The following RLIM variants were observed in gnomAD, a reference collection of about 807,000 sequenced individuals.
RLIM encodes ring finger protein, LIM domain interacting, also known as E3 ubiquitin-protein ligase RLIM.
RLIM carries 2 observed loss-of-function variants against 34.0 expected under a neutral mutation model. That is an observed-to-expected ratio of 0.06 (90% CI 0.02 to 0.19). RLIM has a LOEUF of 0.19. Ranked by LOEUF, RLIM falls within the 10% of genes least tolerant of loss-of-function variation. The pLI is 1.00. For synonymous variants in RLIM, 169 were observed against 164.0 expected (o/e 1.03, Z -0.23); for missense variants, 286 against 479.7 (o/e 0.60, Z 3.77).
chrX:74,595,264 A>C (rs763515211), intron 2 of RLIM, among the ~76,000 whole-genome samples: 2 of 112,008 alleles, frequency 1.8e-5, no homozygotes, highest in East Asian at 5.6e-4. Flanking sequence ...TTACCTTTTA[A>C]AATCTAAGCA....
At chrX:74,610,779 A>G (rs2079706718) in intron 1 of RLIM, among the ~76,000 whole-genome samples, 1 of 110,093 alleles carries the variant, frequency 9.1e-6, no homozygotes, top group Non-Finnish European at 1.9e-5. Flanking sequence ...ACTCCCAGCT[A>G]CTTGGGAGGC....
intron 1 of RLIM, among the ~76,000 whole-genome samples, chrX:74,600,753 T>C (rs759588028): frequency 9.2e-6 from 1 of 108,421 alleles, no homozygotes; most frequent in South Asian, 4.1e-4. Context: ...GGCTCACACC[T>C]GTAATCCCAG....
intron 3 of RLIM, 152 bp from the exon 4 acceptor site, chrX:74,593,213 T>A: frequency 3.5e-6 from 2 of 566,530 alleles, no homozygotes; most frequent in Non-Finnish European, 5.2e-6. Flanking sequence ...TGCATAAATT[T>A]ATAAGGTAAG....
rs772309563 is a variant in RLIM at position 74,586,006 on chromosome X, C to A, written c.*5434G>T. 1.8e-5 allele frequency: 2 copies of A among 111,852 alleles called. No homozygotes were observed. Among genetic ancestry groups the A allele is most frequent in the Non-Finnish European group, 3.8e-5 (2 of 53,207 alleles). 9.2% of individuals were successfully genotyped at this position (111,852 alleles called of 1,213,427 possible). A position where few individuals can be genotyped will look rare whatever the true frequency, so the allele number is the denominator to read the frequency against. On this transcript the variant is annotated 3_prime_UTR_variant, in exon 4 of 4. Coordinates refer to ENST00000332687, the MANE Select transcript of RLIM (RefSeq NM_016120.4). Reference sequence around the variant, plus strand: ...TTCTTATAAGCTTCAGAAAGCTTTCCAAGATTGCTGCCCTGTTCTTTGTAT... The same window carrying A: ...TTCTTATAAGCTTCAGAAAGCTTTCAAAGATTGCTGCCCTGTTCTTTGTAT...
rs1346621153 is a variant in RLIM, at chrX:74,584,981, TAATAC to T, written c.*6454_*6458del. Among the ~76,000 whole-genome samples the T allele has an allele frequency of 3.6e-5, 4 of 112,015 alleles. No individual in the cohort carries two copies. The East Asian group carries it at 8.4e-4, about 23-fold the overall frequency. On this transcript the variant is annotated 3_prime_UTR_variant, in exon 4 of 4. Coordinates refer to ENST00000332687, the MANE Select transcript of RLIM (RefSeq NM_016120.4). ...GCAGGCACCAGAGGAAATGAAACTATAATACAATACACCAGGTGTCACAATGTGAC... is the reference window on the plus strand; with the variant it reads ...GCAGGCACCAGAGGAAATGAAACTATAATACACCAGGTGTCACAATGTGAC...
chrX:74,594,694 T>A (rs1602163434), intron 2 of RLIM, among the ~76,000 whole-genome samples: 1 of 109,065 alleles, frequency 9.2e-6, no homozygotes, highest in South Asian at 3.9e-4. Context: ...AGGTCAGGAG[T>A]TCGAGACCAG....
At position 74,584,978 on chromosome X, in the gene RLIM, CTA is replaced by C. The variant is rs1192896397; in HGVS notation, c.*6460_*6461del. ...TCTGCAGGCACCAGAGGAAATGAAACTATAATACAATACACCAGGTGTCACAA... is the reference window on the plus strand; with the variant it reads ...TCTGCAGGCACCAGAGGAAATGAAACTAATACAATACACCAGGTGTCACAA... On this transcript the variant is annotated 3_prime_UTR_variant, in exon 4 of 4. Coordinates refer to ENST00000332687, the MANE Select transcript of RLIM (RefSeq NM_016120.4). Among the ~76,000 whole-genome samples the C allele has an allele frequency of 1.8e-5, 2 of 111,934 alleles. No homozygotes were observed. The highest frequency in any genetic ancestry group is 6.5e-5 in the African/African-American group (2 of 30,770).
In RLIM at chrX:74,584,412, T is replaced by C. The variant is rs141974317; in HGVS notation, c.*7028A>G. On this transcript the variant is annotated 3_prime_UTR_variant, in exon 4 of 4. Coordinates refer to ENST00000332687, the MANE Select transcript of RLIM (RefSeq NM_016120.4). ...ATGCCTGACAGCAACCAGAAAAGTT[T>C]AGCTAATTTAATTATAGTTAGTAAT... 0.01 allele frequency among the ~76,000 whole-genome samples: 1,153 copies of C among 112,367 alleles called. 19 individuals are homozygous for C. The highest frequency in any genetic ancestry group is 0.036 in the African/African-American group (1,098 of 30,928).
chrX:74,613,636 G>A (rs1233107384), intron 1 of RLIM, among the ~76,000 whole-genome samples: 1 of 46,083 alleles, frequency 2.2e-5, no homozygotes, highest in Non-Finnish European at 4.4e-5. Flanking sequence ...GACCCCCCTA[G>A]GCTTTTTTTT....
rs778870022 is a variant in RLIM, at chrX:74,591,771, C to G, written c.1544G>C (p.Arg515Thr). The G allele has an allele frequency of 1.0e-4, 123 of 1,209,538 alleles. No homozygotes were observed. In the East Asian group the frequency reaches 3.6e-3, roughly 36 times the overall value. Reference protein sequence around the residue: ...SSGARREGRHRAPVTFDESGS... With the variant: ...SSGARREGRHTAPVTFDESGS... ...ACTTTCATCAAATGTGACTGGGGCC[C>G]TATGTCGACCCTCTCGCCTGGCACC... is the stretch of plus-strand genomic sequence containing the variant. Residue 515 changes from arginine to threonine, a missense_variant, in exon 4 of 4, where the codon AGG becomes ACG. Physicochemically the swap from Arg to Thr is moderately conservative, Grantham distance 71 (BLOSUM62 -1). Transcript: ENST00000332687.
rs920639001 is a variant in RLIM at position 74,586,571 on chromosome X, T to C, written c.*4869A>G. ...TACAAACTGTTCTGTGATTATCACTTGACAGTTCTAACACTGTTATACAGC... is the reference window on the plus strand; with the variant it reads ...TACAAACTGTTCTGTGATTATCACTCGACAGTTCTAACACTGTTATACAGC... On this transcript the variant is annotated 3_prime_UTR_variant, in exon 4 of 4. Coordinates refer to ENST00000332687, the MANE Select transcript of RLIM (RefSeq NM_016120.4). 1.8e-5 allele frequency: 2 copies of C among 112,616 alleles called. No individual in the cohort carries two copies. Among genetic ancestry groups the C allele is most frequent in the African/African-American group, 6.5e-5 (2 of 30,988 alleles). The allele number at this position is 112,616 out of a possible 1,213,427, so 9.3% of individuals were successfully genotyped here. A position where few individuals can be genotyped will look rare whatever the true frequency, so the allele number is the denominator to read the frequency against.
At position 74,583,364 on chromosome X, in the gene RLIM, A is replaced by G. The variant is rs1931261894; in HGVS notation, c.*8076T>C. The G allele has an allele frequency of 1.2e-6, 1 of 816,621 alleles. No individual in the cohort carries two copies. 67.3% of individuals were successfully genotyped at this position (816,621 alleles called of 1,213,427 possible). A position where few individuals can be genotyped will look rare whatever the true frequency, so the allele number is the denominator to read the frequency against. ...CAGATGCCAACATGGAAACAGTCAA[A>G]GGTTCCTGACCTTGTACATGAATAG... is the stretch of plus-strand genomic sequence containing the variant. On this transcript the variant is annotated 3_prime_UTR_variant, in exon 4 of 4. Coordinates refer to ENST00000332687, the MANE Select transcript of RLIM (RefSeq NM_016120.4).
rs780619016 is a variant in RLIM, at chrX:74,585,953, T to TA, written c.*5486dup. 4.5e-5 allele frequency: 5 copies of TA among 112,220 alleles called. No homozygotes were observed. The highest frequency in any genetic ancestry group is 9.4e-5 in the Non-Finnish European group (5 of 53,368). 9.2% of individuals were successfully genotyped at this position (112,220 alleles called of 1,213,427 possible). A position where few individuals can be genotyped will look rare whatever the true frequency, so the allele number is the denominator to read the frequency against. On this transcript the variant is annotated 3_prime_UTR_variant, in exon 4 of 4. Coordinates refer to ENST00000332687, the MANE Select transcript of RLIM (RefSeq NM_016120.4). ...CCAAAGACATAAAGGCAGCCTTTGT[T>TA]ACTGTTCCCCCTCCAAACCCCTTCA...
chrX:74,594,270 T>C lies in RLIM; in HGVS notation c.253+36A>G, dbSNP rs760326795. ...CTATTACAAAGTTCCTATCATCCCA[T>C]CGTCTATCCACCTCCCCACCAAAAC... On this transcript the variant is annotated intron_variant, in intron 3 of 3. Coordinates refer to ENST00000332687, the MANE Select transcript of RLIM (RefSeq NM_016120.4). The C allele has an allele frequency of 7.0e-6, 7 of 1,003,682 alleles. No individual in the cohort carries two copies. The South Asian group carries it at 1.6e-4, about 23-fold the overall frequency. 82.7% of individuals were successfully genotyped at this position (1,003,682 alleles called of 1,213,427 possible).
chrX:74,592,431 G>A lies in RLIM; in HGVS notation c.884C>T (p.Ser295Phe). 1 of 1,211,910 alleles carries A rather than the reference G, an allele frequency of 8.3e-7. No individual in the cohort carries two copies. Among genetic ancestry groups the A allele is most frequent in the Non-Finnish European group, 1.1e-6 (1 of 895,603 alleles). Reference protein sequence around the residue: ...LFAASGTRNASQGAGSSDTAA... With the variant: ...LFAASGTRNAFQGAGSSDTAA... ...TGTGTCTGAAGAACCTGCTCCTTGA[G>A]AAGCATTTCTTGTTCCAGAAGCTGC... Residue 295 changes from serine to phenylalanine, a missense_variant, in exon 4 of 4, where the codon TCT becomes TTT. Coordinates refer to ENST00000332687, the MANE Select transcript of RLIM (RefSeq NM_016120.4).
In RLIM at chrX:74,584,350, GTGA is replaced by G. The variant is rs1424907656; in HGVS notation, c.*7087_*7089del. On this transcript the variant is annotated 3_prime_UTR_variant, in exon 4 of 4. Coordinates refer to ENST00000332687, the MANE Select transcript of RLIM (RefSeq NM_016120.4). Reference sequence around the variant, plus strand: ...GGTATACTTTCACCTCACAGTCACTGTGATGATTAAATAATTTATATAGAATAC... The same window carrying G: ...GGTATACTTTCACCTCACAGTCACTGTGATTAAATAATTTATATAGAATAC... Among the ~76,000 whole-genome samples, 17 of 112,015 alleles carry G rather than the reference GTGA, an allele frequency of 1.5e-4. No individual in the cohort carries two copies. Among genetic ancestry groups the G allele is most frequent in the African/African-American group, 5.5e-4 (17 of 30,810 alleles).
intron 1 of RLIM, 94 bp downstream of exon 1, chrX:74,614,328 C>T (rs1469284650): frequency 8.9e-6 from 1 of 112,833 alleles, no homozygotes; most frequent in East Asian, 2.8e-4. Context: ...CGACGCGTCA[C>T]TCGGGCCATT....
chrX:74,608,334 T>G (rs943625772), intron 1 of RLIM, among the ~76,000 whole-genome samples: 1 of 110,713 alleles, frequency 9.0e-6, no homozygotes, highest in African/African-American at 3.3e-5. Flanking sequence ...GACATAAGCT[T>G]ATAAGCTCTG....
chrX:74,607,029 G>A (rs2079685260), intron 1 of RLIM, among the ~76,000 whole-genome samples: 1 of 110,714 alleles, frequency 9.0e-6, no homozygotes, highest in South Asian at 3.8e-4. Context: ...TAGCTACTTG[G>A]GAGCTGATGT....
Sources: allele counts gnomAD v4.1 joint callset (sites outside exome capture counted in the v4.1 genomes callset), GRCh38; gene constraint gnomAD v4.1.1; transcripts MANE v1.5; gene names NCBI Gene and HGNC (gene_info 2026-07-23, HGNC 2026-07-21).